Variants in WWOX observed in about 807,000 individuals in gnomAD.
WWOX encodes WW domain containing oxidoreductase, also known as WW domain-containing oxidoreductase.
WWOX carries 69 observed loss-of-function variants against 46.2 expected under a neutral mutation model. The observed-to-expected ratio is 1.49, with a 90% CI of 1.23 to 1.82. The LOEUF is 1.82. Among genes scored for constraint, WWOX ranks in the 40% most tolerant of loss-of-function variants. The pLI is 0.00. For missense variants in WWOX, 919 were observed against 542.6 expected (o/e 1.69, Z -6.89); for synonymous variants, 359 against 202.6 (o/e 1.77, Z -6.56).
intron 4 of WWOX, among the ~76,000 whole-genome samples, chr16:78,124,772 T>G (rs1038621366): frequency 2.0e-5 from 3 of 152,194 alleles, no homozygotes; most frequent in Non-Finnish European, 4.4e-5. Context: ...CTTGATGGTT[T>G]TACTTTTTGT....
At chr16:78,766,863 A>G (rs1010567409) in intron 8 of WWOX, among the ~76,000 whole-genome samples, 10 of 152,300 alleles carry the variant, frequency 6.6e-5, no homozygotes, top group South Asian at 4.1e-4. Context: ...TATATTCACA[A>G]TGTTGTGTAA....
chr16:78,385,643 T>A (rs1354894854), intron 5 of WWOX, among the ~76,000 whole-genome samples: 1 of 152,176 alleles, frequency 6.6e-6, no homozygotes, highest in Non-Finnish European at 1.5e-5. Context: ...CCAGCTCCTG[T>A]CCATCCCTGA....
chr16:78,496,916 C>G lies in WWOX; in HGVS notation c.1056+64164C>G, dbSNP rs895743882. Among the ~76,000 whole-genome samples, 9 of 152,308 alleles carry G rather than the reference C, an allele frequency of 5.9e-5. No individual in the cohort carries two copies. The East Asian group carries it at 1.5e-3, about 26-fold the overall frequency. On this transcript the variant is annotated intron_variant, in intron 8 of 8. Transcript: ENST00000566780. Reference sequence around the variant, plus strand: ...AGCCAGATGGCCTTGCTCATTGATTCTCTCCTTTCCCGCCCTCTCAAGCCA... The same window carrying G: ...AGCCAGATGGCCTTGCTCATTGATTGTCTCCTTTCCCGCCCTCTCAAGCCA...
intron 8 of WWOX, among the ~76,000 whole-genome samples, chr16:78,555,857 T>C (rs1213939869): frequency 6.6e-6 from 1 of 152,158 alleles, no homozygotes; most frequent in Non-Finnish European, 1.5e-5. Flanking sequence ...CTTAAATAAA[T>C]GTTATCACAA....
intron 8 of WWOX, among the ~76,000 whole-genome samples, chr16:78,467,933 C>G (rs540676677): frequency 6.6e-6 from 1 of 152,260 alleles, no homozygotes; most frequent in South Asian, 2.1e-4. Context: ...ACCTTTCTCA[C>G]TTCATTGTCT....
chr16:78,406,303 A>ATATAT (rs2082532800), intron 6 of WWOX, among the ~76,000 whole-genome samples: 1 of 57,842 alleles, frequency 1.7e-5, no homozygotes, highest in Admixed American at 3.0e-4. Context: ...TATAAATATA[A>ATATAT]ATATATATAT....
In WWOX at chr16:78,814,157, C is replaced by T. The variant is rs143867620; in HGVS notation, c.1056+381405C>T. Among the ~76,000 whole-genome samples the T allele has an allele frequency of 5.2e-3, 793 of 152,300 alleles. 2 individuals are homozygous for T. Among genetic ancestry groups the T allele is most frequent in the Middle Eastern group, 0.01 (3 of 294 alleles). On this transcript the variant is annotated intron_variant, in intron 8 of 8. Coordinates refer to ENST00000566780, the MANE Select transcript of WWOX (RefSeq NM_016373.4). ...GAACCCGGCCAGATCCTCCCGCTGC[C>T]GGCAAGCGGAGTCAGTTACTGGGAA...
chr16:78,659,942 T>C (rs1417129595), intron 8 of WWOX, among the ~76,000 whole-genome samples: 1 of 152,182 alleles, frequency 6.6e-6, no homozygotes, highest in African/African-American at 2.4e-5. Flanking sequence ...AAATTTAACA[T>C]GCTGTTAGTG....
chr16:79,122,387 C>A (rs1042904201), intron 8 of WWOX, among the ~76,000 whole-genome samples: 2 of 152,182 alleles, frequency 1.3e-5, no homozygotes, highest in Non-Finnish European at 2.9e-5. Context: ...CAAAATCCTC[C>A]AATATTAAGA....
chr16:78,779,921 G>C (rs565257399), intron 8 of WWOX, among the ~76,000 whole-genome samples: 29 of 152,280 alleles, frequency 1.9e-4, no homozygotes, highest in African/African-American at 6.7e-4. Flanking sequence ...CAGAAGCTCT[G>C]AATTGCAGCC....
At chr16:78,529,264 C>G (rs72803911) in intron 8 of WWOX, among the ~76,000 whole-genome samples, 3 of 151,994 alleles carry the variant, frequency 2.0e-5, no homozygotes, top group Admixed American at 6.5e-5. Flanking sequence ...CAAGAACTTT[C>G]TATTATATAG....
At chr16:79,089,598 G>A (rs751832828) in intron 8 of WWOX, among the ~76,000 whole-genome samples, 3 of 152,134 alleles carry the variant, frequency 2.0e-5, no homozygotes, top group Non-Finnish European at 4.4e-5. Flanking sequence ...CCAACGTGCT[G>A]GGATTACAGG....
intron 8 of WWOX, among the ~76,000 whole-genome samples, chr16:79,179,664 A>C (rs552541516): frequency 1.3e-5 from 2 of 152,196 alleles, no homozygotes; most frequent in African/African-American, 4.8e-5. Flanking sequence ...GCCACTGGAA[A>C]TCTATTACCT....
chr16:78,700,203 C>G (rs538040302), intron 8 of WWOX, among the ~76,000 whole-genome samples: 1 of 149,724 alleles, frequency 6.7e-6, no homozygotes, highest in South Asian at 2.1e-4. Flanking sequence ...TCTCCCAGTT[C>G]TGGAGGCTGG....
chr16:78,348,624 A>AT (rs1381649856), intron 5 of WWOX, among the ~76,000 whole-genome samples: 1 of 118,982 alleles, frequency 8.4e-6, no homozygotes, highest in Non-Finnish European at 2.0e-5. Context: ...CACCCAGTTA[A>AT]TTACTACATT....
chr16:78,540,130 A>C (rs938362346), intron 8 of WWOX, among the ~76,000 whole-genome samples: 61 of 151,540 alleles, frequency 4.0e-4, no homozygotes, highest in African/African-American at 1.5e-3. Context: ...ATCTGTGTTC[A>C]ATTTCTGCCT....
intron 5 of WWOX, among the ~76,000 whole-genome samples, chr16:78,338,342 T>A (rs1366570185): frequency 8.2e-6 from 1 of 121,722 alleles, no homozygotes; most frequent in East Asian, 1.9e-4. Flanking sequence ...GAATAGTATG[T>A]GAAGTCTGTA....
At chr16:79,134,162 A>G (rs1224603693) in intron 8 of WWOX, among the ~76,000 whole-genome samples, 3 of 143,926 alleles carry the variant, frequency 2.1e-5, no homozygotes, top group Admixed American at 6.9e-5. Flanking sequence ...AATAATTGGG[A>G]TTATCTTATG....
intron 8 of WWOX, among the ~76,000 whole-genome samples, chr16:78,748,138 A>G (rs899742479): frequency 4.6e-5 from 7 of 152,166 alleles, no homozygotes; most frequent in African/African-American, 1.4e-4. Flanking sequence ...TCTCGCATTT[A>G]TCCATTGCAC....
Sources: gnomAD v4.1 joint callset for allele counts (sites outside exome capture counted in the v4.1 genomes callset) on GRCh38, gnomAD v4.1.1 for gene constraint, MANE v1.5 for transcripts, NCBI Gene and HGNC (gene_info 2026-07-23, HGNC 2026-07-21) for gene names.